Variants in LRRTM4 observed in about 807,000 individuals in gnomAD.
LRRTM4 encodes the protein leucine-rich repeat transmembrane neuronal protein 4.
A neutral mutation model predicts 47.6 loss-of-function variants in LRRTM4; 25 were observed. The ratio of observed to expected loss-of-function variants is 0.53; its 90% CI spans 0.38 to 0.73. The LOEUF is 0.73. Ranked by LOEUF, LRRTM4 falls within the 30% of genes least tolerant of loss-of-function variation. The probability of loss-of-function intolerance (pLI) is 0.00; values close to 1 mark genes in which losing one functional copy is unlikely to be tolerated. For missense variants in LRRTM4, 638 were observed against 713.4 expected (o/e 0.89, Z 1.20); for synonymous variants, 311 against 269.5 (o/e 1.15, Z -1.51).
At position 77,279,715 on chromosome 2, in the gene LRRTM4, C is replaced by T. The variant is rs193218755; in HGVS notation, c.1551+238603G>A. On this transcript the variant is annotated intron_variant, in intron 3 of 3. Coordinates refer to ENST00000409884, the MANE Select transcript of LRRTM4 (RefSeq NM_001134745.3). The stretch of plus-strand genomic sequence containing the variant: ...AAAAATTAGACTAATATAATAAAAC[C>T]CCCATATGTCTGTCACTCAACTTCA... Among the ~76,000 whole-genome samples the T allele has an allele frequency of 2.4e-4, 36 of 151,618 alleles. No homozygotes were observed. In the East Asian group the frequency reaches 6.6e-3, roughly 28 times the overall value.
intron 3 of LRRTM4, among the ~76,000 whole-genome samples, chr2:76,824,386 C>A (rs1671135875): frequency 6.6e-6 from 1 of 151,522 alleles, no homozygotes; most frequent in Non-Finnish European, 1.5e-5. Context: ...TCATAGAATG[C>A]ATATAAATAT....
chr2:76,913,543 A>ATTTTTTT (rs58615415), intron 3 of LRRTM4, among the ~76,000 whole-genome samples: 1,545 of 121,448 alleles, frequency 0.013, 84 homozygotes, highest in African/African-American at 0.046. Context: ...TCCTATTTCA[A>ATTTTTTT]TTTTTTTTTT....
At chr2:77,026,426 C>T (rs1345136) in intron 3 of LRRTM4, among the ~76,000 whole-genome samples, 84,748 of 151,822 alleles carry the variant, frequency 0.56, 25,794 homozygotes, top group African/African-American at 0.81. Flanking sequence ...TTTTAACCCA[C>T]AGAATGATCA....
intron 3 of LRRTM4, among the ~76,000 whole-genome samples, chr2:76,927,868 T>G (rs968963416): frequency 6.6e-6 from 1 of 152,160 alleles, no homozygotes; most frequent in African/African-American, 2.4e-5. Context: ...AAAAATGATG[T>G]CAAGGGTTAA....
At chr2:76,969,076 G>T (rs994032249) in intron 3 of LRRTM4, among the ~76,000 whole-genome samples, 1 of 151,820 alleles carries the variant, frequency 6.6e-6, no homozygotes, top group Non-Finnish European at 1.5e-5. Context: ...ACTTTTTAAA[G>T]TTGAAGAAAT....
At chr2:77,264,761 A>G (rs1311040029) in intron 3 of LRRTM4, among the ~76,000 whole-genome samples, 1 of 152,100 alleles carries the variant, frequency 6.6e-6, no homozygotes, top group East Asian at 1.9e-4. Context: ...GAGGCCCCTT[A>G]TATAAACACA....
chr2:76,766,305 A>G (rs1488216482), intron 3 of LRRTM4, among the ~76,000 whole-genome samples: 1 of 152,174 alleles, frequency 6.6e-6, no homozygotes, highest in Non-Finnish European at 1.5e-5. Flanking sequence ...GGAGCCATTT[A>G]TATATATTTA....
At chr2:76,815,125 GAAAT>G (rs942700744) in intron 3 of LRRTM4, among the ~76,000 whole-genome samples, 17 of 151,858 alleles carry the variant, frequency 1.1e-4, no homozygotes, top group African/African-American at 2.9e-4. Context: ...AATAAGAAAA[GAAAT>G]AAATAAGAAA....
chr2:76,929,925 TTGTG>T (rs3055992), intron 3 of LRRTM4, among the ~76,000 whole-genome samples: 61,120 of 149,094 alleles, frequency 0.41, 13,400 homozygotes, highest in Non-Finnish European at 0.51. Context: ...CAATTAGAGT[TTGTG>T]TGTGTGTGTG....
chr2:77,292,631 G>C (rs1676858036), intron 3 of LRRTM4, among the ~76,000 whole-genome samples: 1 of 148,236 alleles, frequency 6.7e-6, no homozygotes, highest in Admixed American at 6.9e-5. Flanking sequence ...CTCACTCATA[G>C]GTGGGAACTG....
chr2:76,807,933 CTTTCTTTCTTTCTTTCTTTCTT>C (rs1228846573), intron 3 of LRRTM4, among the ~76,000 whole-genome samples: 3 of 124,590 alleles, frequency 2.4e-5, no homozygotes, highest in African/African-American at 9.8e-5. Context: ...CTTTCCTTTC[CTTTCTTTCTTTCTTTCTTTCTT>C]TTTCTTTTTC....
chr2:76,775,969 T>C (rs10204264), intron 3 of LRRTM4, among the ~76,000 whole-genome samples: 107,049 of 149,436 alleles, frequency 0.72, 39,304 homozygotes, highest in African/African-American at 0.87. Context: ...CATATGATCT[T>C]ATTGTTCACT....
chr2:76,813,675 G>T lies in LRRTM4; in HGVS notation c.1552-64759C>A, dbSNP rs142469220. ...TTTTTTCTTTTGAGTTTTGTATTAG[G>T]ACTGATTGATAGGCTTTAGGTTTTA... On this transcript the variant is annotated intron_variant, in intron 3 of 3. Transcript: ENST00000409884. Among the ~76,000 whole-genome samples the T allele has an allele frequency of 5.1e-3, 778 of 152,166 alleles. 3 individuals are homozygous for T. The highest frequency in any genetic ancestry group is 0.011 in the Admixed American group (171 of 15,256).
intron 3 of LRRTM4, among the ~76,000 whole-genome samples, chr2:77,176,321 A>C (rs1345347875): frequency 6.6e-6 from 1 of 152,190 alleles, no homozygotes; most frequent in African/African-American, 2.4e-5. Context: ...TTAAGGATTT[A>C]TACAGATTGT....
chr2:77,219,273 T>G (rs1674549921), intron 3 of LRRTM4, among the ~76,000 whole-genome samples: 1 of 152,154 alleles, frequency 6.6e-6, no homozygotes, highest in Non-Finnish European at 1.5e-5. Context: ...AGAAACAACT[T>G]TTGCACCATC....
In LRRTM4 at chr2:77,083,807, T is replaced by G. The variant is rs200518120; in HGVS notation, c.1552-334891A>C. On this transcript the variant is annotated intron_variant, in intron 3 of 3. Coordinates refer to ENST00000409884, the MANE Select transcript of LRRTM4 (RefSeq NM_001134745.3). ...ACTTTTTTTTTTTTTTTTTTTTTTT[T>G]TTTTTTTTTTTTTTTCAGACGGAGT... 3.7e-3 allele frequency among the ~76,000 whole-genome samples: 391 copies of G among 105,524 alleles called. 2 individuals are homozygous for G. Among genetic ancestry groups the G allele is most frequent in the Middle Eastern group, 8.9e-3 (2 of 224 alleles). The allele number at this position is 105,524 out of a possible 152,430, so 69.2% of individuals were successfully genotyped here.
intron 3 of LRRTM4, among the ~76,000 whole-genome samples, chr2:77,084,749 G>T (rs10174161): frequency 2.0e-5 from 3 of 152,022 alleles, no homozygotes; most frequent in South Asian, 4.1e-4. Flanking sequence ...TCATAATATT[G>T]TCATAAGAAA....
chr2:77,021,948 G>C (rs1284362693), intron 3 of LRRTM4, among the ~76,000 whole-genome samples: 1 of 152,088 alleles, frequency 6.6e-6, no homozygotes. Flanking sequence ...CCTTATAACT[G>C]AAAGTATGTG....
At chr2:77,302,981 C>A (rs1677171363) in intron 3 of LRRTM4, among the ~76,000 whole-genome samples, 1 of 151,862 alleles carries the variant, frequency 6.6e-6, no homozygotes, top group Non-Finnish European at 1.5e-5. Flanking sequence ...ACAGAAATGA[C>A]AAAACTGTTT....
Sources: allele counts gnomAD v4.1 joint callset (sites outside exome capture counted in the v4.1 genomes callset), GRCh38; gene constraint gnomAD v4.1.1; transcripts MANE v1.5; gene names NCBI Gene and HGNC (gene_info 2026-07-23, HGNC 2026-07-21).